Variants in FAM120B observed in about 807,000 individuals in gnomAD.
The protein encoded by FAM120B is family with sequence similarity 120 member B.
In FAM120B, 83 loss-of-function variants were observed where a neutral mutation model predicts 96.3. The observed-to-expected ratio is 0.86, with a 90% CI of 0.72 to 1.03. The LOEUF is 1.03. Ranked by LOEUF, FAM120B falls within the 50% of genes least tolerant of loss-of-function variation. The pLI, the probability that FAM120B is intolerant of heterozygous loss-of-function variation, is 0.00. For missense variants in FAM120B, 1,027 were observed against 1,121.2 expected (o/e 0.92, Z 1.20); for synonymous variants, 407 against 402.7 (o/e 1.01, Z -0.13).
upstream of FAM120B, among the ~76,000 whole-genome samples, chr6:170,304,918 C>T (rs1395000600): frequency 6.6e-6 from 1 of 152,180 alleles, no homozygotes; most frequent in African/African-American, 2.4e-5. Flanking sequence ...ATTCATTTCT[C>T]ATAGCTCTGG....
At chr6:170,398,131 A>G (rs889011422) in intron 9 of FAM120B, among the ~76,000 whole-genome samples, 1 of 152,236 alleles carries the variant, frequency 6.6e-6, no homozygotes, top group Admixed American at 6.5e-5. Context: ...AACTGTAAAG[A>G]GTGTGCCATC....
chr6:170,330,426 C>T (rs575290857), intron 3 of FAM120B, 23 bp from the exon 4 acceptor site: 1 of 1,598,012 alleles, frequency 6.3e-7, no homozygotes, highest in South Asian at 1.1e-5. Context: ...CATGCATCTA[C>T]TGACCCAACT....
intron 4 of FAM120B, among the ~76,000 whole-genome samples, chr6:170,335,888 C>G (rs1786388090): frequency 6.6e-6 from 1 of 152,162 alleles, no homozygotes; most frequent in African/African-American, 2.4e-5. Context: ...CCTTCATCCA[C>G]TTTTTGATGG....
intron 1 of FAM120B, among the ~76,000 whole-genome samples, chr6:170,314,292 CA>C (rs1729729602): frequency 6.6e-6 from 1 of 152,202 alleles, no homozygotes; most frequent in Non-Finnish European, 1.5e-5. Flanking sequence ...CTTCTTTGGC[CA>C]TAATTGAAGT....
chr6:170,354,950 A>G (rs570416304), intron 5 of FAM120B, among the ~76,000 whole-genome samples: 16 of 152,214 alleles, frequency 1.1e-4, no homozygotes, highest in African/African-American at 3.9e-4. Context: ...AAGGACATAT[A>G]TGCAGCCAAC....
intron 9 of FAM120B, among the ~76,000 whole-genome samples, chr6:170,402,151 C>A (rs915418677): frequency 1.3e-5 from 2 of 152,234 alleles, no homozygotes; most frequent in Non-Finnish European, 2.9e-5. Flanking sequence ...CAGACGAAGG[C>A]CCCTGTTTGT....
upstream of FAM120B, among the ~76,000 whole-genome samples, chr6:170,294,688 T>C (rs1367722908): frequency 6.6e-6 from 1 of 152,138 alleles, no homozygotes; most frequent in Non-Finnish European, 1.5e-5. The surrounding 1 kb of genome is among the most constrained non-coding windows in gnomAD (Gnocchi z 7.9). Context: ...TTCTCCAGGT[T>C]CGTGTGTGGT....
At chr6:170,350,595 A>G (rs1787510488) in intron 5 of FAM120B, among the ~76,000 whole-genome samples, 1 of 152,260 alleles carries the variant, frequency 6.6e-6, no homozygotes, top group Non-Finnish European at 1.5e-5. Flanking sequence ...GCTGGCTGCC[A>G]TCTTTGCTGT....
chr6:170,341,634 A>C (rs141673712), intron 4 of FAM120B, among the ~76,000 whole-genome samples: 1 of 152,056 alleles, frequency 6.6e-6, no homozygotes, highest in East Asian at 1.9e-4. Context: ...GTAGACACAC[A>C]AGGGAATCTT....
intron 1 of FAM120B, among the ~76,000 whole-genome samples, chr6:170,299,122 T>TA (rs1784088064): frequency 6.6e-6 from 1 of 152,240 alleles, no homozygotes; most frequent in African/African-American, 2.4e-5. Flanking sequence ...ATTTCCTCCT[T>TA]AAAAGTTTGA....
upstream of FAM120B, among the ~76,000 whole-genome samples, chr6:170,294,209 A>G (rs1028054766): frequency 6.6e-6 from 1 of 152,138 alleles, no homozygotes; most frequent in African/African-American, 2.4e-5. The surrounding 1 kb of genome is among the most constrained non-coding windows in gnomAD (Gnocchi z 7.9). Flanking sequence ...TCCTCCCCAC[A>G]CTATAAATCC....
At chr6:170,401,587 G>A (rs1778587532) in intron 9 of FAM120B, among the ~76,000 whole-genome samples, 1 of 152,170 alleles carries the variant, frequency 6.6e-6, no homozygotes, top group Admixed American at 6.5e-5. Flanking sequence ...AGTATCTCCA[G>A]GAGTGCTTAT....
chr6:170,331,724 G>A (rs1378600346), intron 4 of FAM120B, among the ~76,000 whole-genome samples: 1 of 152,210 alleles, frequency 6.6e-6, no homozygotes, highest in Non-Finnish European at 1.5e-5. Flanking sequence ...TGTGTCAAGA[G>A]TTAATTTTAA....
chr6:170,296,324 G>A (rs957640429), intron 1 of FAM120B, among the ~76,000 whole-genome samples: 6 of 152,156 alleles, frequency 3.9e-5, no homozygotes, highest in Non-Finnish European at 8.8e-5. Flanking sequence ...GAGCGCACCT[G>A]AGGGCTTCCT....
chr6:170,400,372 G>A (rs1002100126), intron 9 of FAM120B, among the ~76,000 whole-genome samples: 1 of 152,130 alleles, frequency 6.6e-6, no homozygotes, highest in African/African-American at 2.4e-5. Context: ...TCAGAAGGCA[G>A]GTGGAGTGGG....
At chr6:170,310,298 T>C (rs1784519544) in intron 1 of FAM120B, among the ~76,000 whole-genome samples, 1 of 151,696 alleles carries the variant, frequency 6.6e-6, no homozygotes, top group South Asian at 2.1e-4. Context: ...AGCCAGAGAG[T>C]CTCTTTTATT....
At chr6:170,397,834 G>C (rs1362012617) in intron 9 of FAM120B, among the ~76,000 whole-genome samples, 1 of 152,198 alleles carries the variant, frequency 6.6e-6, no homozygotes. Context: ...GGATTCAGCA[G>C]AACCCACCTG....
upstream of FAM120B, among the ~76,000 whole-genome samples, chr6:170,293,937 C>G (rs1330087433): frequency 6.6e-6 from 1 of 152,184 alleles, no homozygotes; most frequent in Non-Finnish European, 1.5e-5. Flanking sequence ...TTCATCCTTT[C>G]TTTGCACTTT....
At position 170,342,862 on chromosome 6, in the gene FAM120B, A is replaced by C. The variant is rs56962842; in HGVS notation, c.2018-5289A>C. On this transcript the variant is annotated intron_variant, in intron 4 of 10. Transcript: ENST00000476287. ...CTGCCCATGAGGCTCTGGGTGAAAC[A>C]TGAGGGCCACCTTCGATCTTTATTG... Among the ~76,000 whole-genome samples, 6,519 of 152,288 alleles carry C rather than the reference A, an allele frequency of 0.043. 1,048 individuals are homozygous for C. The East Asian group carries it at 0.57, about 13-fold the overall frequency.
Sources: allele counts gnomAD v4.1 joint callset (sites outside exome capture counted in the v4.1 genomes callset), GRCh38; gene constraint gnomAD v4.1.1; non-coding constraint Gnocchi (gnomAD v3.1); transcripts MANE v1.5; gene names NCBI Gene and HGNC (gene_info 2026-07-23, HGNC 2026-07-21).